The following IDUA variants were observed in gnomAD, a reference collection of about 807,000 sequenced individuals.
IDUA encodes the protein iduronidase alpha-L-.
In IDUA, 65 loss-of-function variants were observed where a neutral mutation model predicts 68.9. The ratio of observed to expected loss-of-function variants is 0.94; its 90% CI spans 0.77 to 1.16. The LOEUF is 1.16. IDUA is among the 50% of genes most tolerant of loss of function. The probability of loss-of-function intolerance (pLI) is 0.00; values close to 1 mark genes in which losing one functional copy is unlikely to be tolerated. For synonymous variants in IDUA, 529 were observed against 433.6 expected (o/e 1.22, Z -2.73); for missense variants, 1,046 against 938.0 (o/e 1.12, Z -1.50).
rs1049376214 is a variant in IDUA, at chr4:1,004,493, A to G, written c.*100A>G. ...CCTCCCATCACCCCCTTTGCAATAT[A>G]TTTTTATATTTTATTATTTTCTTTT... On this transcript the variant is annotated 3_prime_UTR_variant, in exon 14 of 14. Transcript: ENST00000514224. The surrounding 1 kb of genome is among the most constrained non-coding windows in gnomAD (Gnocchi z 5.0). 2 of 1,157,306 alleles carry G rather than the reference A, an allele frequency of 1.7e-6. No individual in the cohort carries two copies. The highest frequency in any genetic ancestry group is 2.4e-6 in the Non-Finnish European group (2 of 827,662). 71.7% of individuals were successfully genotyped at this position (1,157,306 alleles called of 1,614,324 possible). A position where few individuals can be genotyped will look rare whatever the true frequency, so the allele number is the denominator to read the frequency against.
chr4:991,898 T>C, intron 2 of IDUA: 1 of 1,217,948 alleles, frequency 8.2e-7, no homozygotes, highest in Non-Finnish European at 1.2e-6. Flanking sequence ...CTGCCCGGTA[T>C]GGATGGACGC....
In IDUA at chr4:1,002,366, C is replaced by A; in HGVS notation, c.1070C>A (p.Pro357Gln). 1 of 1,612,538 alleles carries A rather than the reference C, an allele frequency of 6.2e-7. No individual in the cohort carries two copies. The highest frequency in any genetic ancestry group is 8.5e-7 in the Non-Finnish European group (1 of 1,179,530). The stretch of plus-strand genomic sequence containing the variant: ...GACAATGCCTTCCTGAGCTACCACC[C>A]GCACCCCTTCGCGCAGCGCACGCTC... The part of the protein sequence containing the change: ...SNDNAFLSYH[P>Q]HPFAQRTLTA... The change falls in exon 8 of 14, where the codon CCG becomes CAG. Residue 357 changes from proline to glutamine, a missense_variant. Transcript: ENST00000514224.
intron 1 of IDUA, 39 bp downstream of exon 1, chr4:987,281 G>T: frequency 6.7e-7 from 1 of 1,503,478 alleles, no homozygotes; most frequent in African/African-American, 1.4e-5. Flanking sequence ...CTGGCCGCAC[G>T]GGGAGAGCTC....
In IDUA at chr4:1,002,471, T is replaced by A. The variant is rs983573900; in HGVS notation, c.1175T>A (p.Leu392Gln). 6.5e-6 allele frequency: 10 copies of A among 1,542,308 alleles called. No individual in the cohort carries two copies. Among genetic ancestry groups the A allele is most frequent in the Non-Finnish European group, 8.7e-6 (10 of 1,143,530 alleles). Residue 392 changes from leucine (L) to glutamine (Q), a missense_variant, in exon 8 of 14, where the codon CTG (leucine) becomes CAG (glutamine). Leu to Gln is a moderately radical substitution (Grantham distance 113). Transcript: ENST00000514224. ...LRKPVLTAMG[L>Q]LALLDEEQLW... ...AAGCCGGTGCTCACGGCCATGGGGC[T>A]GCTGGCGCTGCTGGGTGAGCCGGGG...
At chr4:994,921 G>A (rs1387997482) in intron 2 of IDUA, among the ~76,000 whole-genome samples, 10 of 152,126 alleles carry the variant, frequency 6.6e-5, no homozygotes, top group East Asian at 1.9e-4. Context: ...GCAAGAGCCC[G>A]TCTCAAAAAC....
chr4:997,970 A>G (rs966095477), intron 2 of IDUA, among the ~76,000 whole-genome samples: 9 of 152,172 alleles, frequency 5.9e-5, no homozygotes, highest in Non-Finnish European at 7.4e-5. Flanking sequence ...AGAAAACCTG[A>G]AGCCCAGCTG....
intron 2 of IDUA, among the ~76,000 whole-genome samples, chr4:994,134 AGCT>A (rs1714582516): frequency 6.6e-6 from 1 of 152,220 alleles, no homozygotes; most frequent in African/African-American, 2.4e-5. Flanking sequence ...AATAAGGGTA[AGCT>A]GCTTTTTAAA....
rs183347428 is a variant in IDUA at position 1,001,756 on chromosome 4, G to T, written c.667G>T (p.Asp223Tyr). ...CGCCCTGCGGCTGGGAGGCCCCGGC[G>T]ACTCCTTCCACACCCCACCGCGATC... ...SPALRLGGPG[D>Y]SFHTPPRSPL... Residue 223 changes from aspartate to tyrosine, a missense_variant, in exon 6 of 14, where the codon GAC (aspartate) becomes TAC (tyrosine). By Grantham distance (160) the Asp-to-Tyr change is radical. Coordinates refer to ENST00000514224, the MANE Select transcript of IDUA (RefSeq NM_000203.5). 7 of 1,598,030 alleles carry T rather than the reference G, an allele frequency of 4.4e-6. No homozygotes were observed. In the African/African-American group the frequency reaches 8.0e-5, roughly 18 times the overall value.
Position 1,001,695 on chromosome 4 carries a change from C to T in IDUA, c.606C>T (p.Tyr202=), listed in dbSNP as rs1033313360. 13 of 1,600,618 alleles carry T rather than the reference C, an allele frequency of 8.1e-6. No individual in the cohort carries two copies. Among genetic ancestry groups the T allele is most frequent in the Non-Finnish European group, 1.0e-5 (12 of 1,179,016 alleles). The change falls in exon 6 of 14, where the codon TAC becomes TAT. Residue 202 remains tyrosine (Y), a synonymous_variant. Coordinates refer to ENST00000514224, the MANE Select transcript of IDUA (RefSeq NM_000203.5). The part of the protein sequence containing the change: ...SMTMQGFLNY[Y]DACSEGLRAA... ...CCGGCCCAGGCTTCCTGAACTACTA[C>T]GATGCCTGCTCGGAGGGTCTGCGCG...
At chr4:988,215 A>G (rs1461403213) in intron 2 of IDUA, 2 of 1,334,418 alleles carry the variant, frequency 1.5e-6, no homozygotes, top group Non-Finnish European at 1.9e-6. Flanking sequence ...TGCACCCGTG[A>G]GCATCCCTGT....
rs747406598 is a variant in IDUA at position 1,002,484 on chromosome 4, G to A, written c.1188G>A (p.Leu396=). ...VLTAMGLLAL[L]DEEQLWAEVS... is the part of the protein sequence containing the mutation. ...CGGCCATGGGGCTGCTGGCGCTGCT[G>A]GGTGAGCCGGGGCCGCTGGGGTGGG... Residue 396 remains leucine, a splice_region_variant and synonymous_variant, in exon 8 of 14, where the codon CTG becomes CTA. Coordinates refer to ENST00000514224, the MANE Select transcript of IDUA (RefSeq NM_000203.5). 11 of 1,533,828 alleles carry A rather than the reference G, an allele frequency of 7.2e-6. No individual in the cohort carries two copies. The East Asian group carries it at 2.8e-4, about 38-fold the overall frequency.
chr4:987,520 G>A, intron 1 of IDUA: 3 of 923,634 alleles, frequency 3.2e-6, no homozygotes, highest in South Asian at 1.8e-5. Context: ...CCCTGCAGCG[G>A]GACCTGGCCT....
At chr4:988,945 T>G in intron 2 of IDUA, 1 of 1,596,704 alleles carries the variant, frequency 6.3e-7, no homozygotes, top group Non-Finnish European at 8.5e-7. Flanking sequence ...CCCGGGGCCC[T>G]CCCCGAGGAA....
chr4:997,409 C>T (rs1347842733), intron 2 of IDUA, among the ~76,000 whole-genome samples: 1 of 150,632 alleles, frequency 6.6e-6, no homozygotes. Flanking sequence ...CGCCTGCGAA[C>T]CCCCATGCAC....
In IDUA at chr4:1,003,443, T is replaced by TGC; in HGVS notation, c.1628_1629dup (p.Pro544AlafsTer17). The TGC allele has an allele frequency of 6.5e-7, 1 of 1,543,792 alleles. No homozygotes were observed. Among genetic ancestry groups the TGC allele is most frequent in the African/African-American group, 1.4e-5 (1 of 73,502 alleles). ...CGTCGCTTTTGCTGGTGCACGTGTG[T>TGC]GCGCGCCCCGAGAAGCCGCCCGGGC... is the stretch of plus-strand genomic sequence containing the variant. On this transcript the variant is annotated frameshift_variant, in exon 11 of 14. Transcript: ENST00000514224. LOFTEE classifies it high-confidence loss of function.
At position 1,000,925 on chromosome 4, in the gene IDUA, T is replaced by C; in HGVS notation, c.429T>C (p.Phe143=). ...GCGCCTCGGGCCACTTCACTGACTT[T>C]GAGGACAAGCAGCAGGTGTTTGAGT... The part of the protein sequence containing the change: ...MGSASGHFTD[F]EDKQQVFEWK... The change falls in exon 4 of 14, where the codon TTT becomes TTC. Residue 143 remains phenylalanine (F), a synonymous_variant. Transcript: ENST00000514224. The C allele has an allele frequency of 6.2e-7, 1 of 1,613,482 alleles. No individual in the cohort carries two copies. The highest frequency in any genetic ancestry group is 8.5e-7 in the Non-Finnish European group (1 of 1,179,948).
chr4:987,095 T>C lies in IDUA; in HGVS notation c.11T>C (p.Leu4Pro), dbSNP rs180984980. ...CGAGCACGCGTGGCCATGCGTCCCC[T>C]GCGCCCCCGCGCCGCGCTGCTGGCG... MRP[L>P]RPRAALLALL... The change falls in exon 1 of 14, where the codon CTG becomes CCG. Residue 4 changes from leucine to proline, a missense_variant. Transcript: ENST00000514224. The C allele has an allele frequency of 7.3e-4, 1,075 of 1,470,158 alleles. No individual in the cohort carries two copies. Among genetic ancestry groups the C allele is most frequent in the Non-Finnish European group, 8.4e-4 (935 of 1,116,894 alleles). 91.1% of individuals were successfully genotyped at this position (1,470,158 alleles called of 1,614,324 possible).
At position 1,004,476 on chromosome 4, in the gene IDUA, C is replaced by T. The variant is rs756311414; in HGVS notation, c.*83C>T. On this transcript the variant is annotated 3_prime_UTR_variant, in exon 14 of 14. Coordinates refer to ENST00000514224, the MANE Select transcript of IDUA (RefSeq NM_000203.5). The surrounding 1 kb of genome is among the most constrained non-coding windows in gnomAD (Gnocchi z 5.0). The stretch of plus-strand genomic sequence containing the variant: ...CACTGTGCCCATGCTGCCCTCCCAT[C>T]ACCCCCTTTGCAATATATTTTTATA... The T allele has an allele frequency of 2.7e-5, 36 of 1,335,790 alleles. No homozygotes were observed. Among genetic ancestry groups the T allele is most frequent in the Non-Finnish European group, 3.6e-5 (34 of 953,400 alleles). The allele number at this position is 1,335,790 out of a possible 1,614,324, so 82.7% of individuals were successfully genotyped here. A position where few individuals can be genotyped will look rare whatever the true frequency, so the allele number is the denominator to read the frequency against.
At chr4:1,003,843 C>T (rs1448328485) in intron 12 of IDUA, 169 bp from the exon 13 acceptor site, 2 of 796,050 alleles carry the variant, frequency 2.5e-6, no homozygotes, top group East Asian at 5.1e-5. Context: ...GATGGACATT[C>T]GGGCTCCAGC....
Sources: allele counts gnomAD v4.1 joint callset (sites outside exome capture counted in the v4.1 genomes callset), GRCh38; gene constraint gnomAD v4.1.1; non-coding constraint Gnocchi (gnomAD v3.1); transcripts MANE v1.5; gene names NCBI Gene and HGNC (gene_info 2026-07-23, HGNC 2026-07-21).